Variants in ANKRD29 observed in about 807,000 individuals in gnomAD.
The protein encoded by ANKRD29 is ankyrin repeat domain 29, also known as ankyrin repeat domain-containing protein 29.
ANKRD29 carries 32 observed loss-of-function variants against 38.0 expected under a neutral mutation model. The observed-to-expected ratio is 0.84, with a 90% CI of 0.64 to 1.13. The LOEUF is 1.13. Among genes scored for constraint, ANKRD29 ranks in the 50% most tolerant of loss-of-function variants. The pLI, the probability that ANKRD29 is intolerant of heterozygous loss-of-function variation, is 0.00. For synonymous variants in ANKRD29, 135 were observed against 152.4 expected (o/e 0.89, Z 0.84); for missense variants, 357 against 377.9 (o/e 0.94, Z 0.46).
intron 5 of ANKRD29, among the ~76,000 whole-genome samples, chr18:23,633,814 C>T (rs1044063332): frequency 6.6e-6 from 1 of 152,084 alleles, no homozygotes; most frequent in Non-Finnish European, 1.5e-5. Context: ...TGTGATCCAC[C>T]CACCTCGGCC....
intron 2 of ANKRD29, chr18:23,647,425 G>A (rs2060153672): frequency 6.6e-6 from 1 of 152,212 alleles, no homozygotes; most frequent in South Asian, 2.1e-4. Flanking sequence ...CAATGGCCAT[G>A]CTAGTTTTGT....
chr18:23,625,549 G>A (rs1282402181), intron 6 of ANKRD29, among the ~76,000 whole-genome samples: 4 of 152,152 alleles, frequency 2.6e-5, no homozygotes, highest in Non-Finnish European at 4.4e-5. Flanking sequence ...TAGAGAAAGT[G>A]CAGCCTTGAT....
intron 6 of ANKRD29, among the ~76,000 whole-genome samples, chr18:23,624,669 T>C (rs1046550193): frequency 1.1e-4 from 16 of 152,014 alleles, no homozygotes; most frequent in African/African-American, 3.6e-4. Flanking sequence ...GGGGTCAATG[T>C]ATAAAAGTTT....
At chr18:23,633,712 A>T (rs2145693684) in intron 5 of ANKRD29, among the ~76,000 whole-genome samples, 1 of 152,176 alleles carries the variant, frequency 6.6e-6, no homozygotes, top group African/African-American at 2.4e-5. Context: ...CTGGGATTAC[A>T]GGCACCCGCT....
intron 6 of ANKRD29, among the ~76,000 whole-genome samples, chr18:23,626,338 C>T (rs1315028960): frequency 6.6e-6 from 1 of 152,194 alleles, no homozygotes; most frequent in African/African-American, 2.4e-5. Flanking sequence ...TGACTAACCT[C>T]AGCTCTGGGT....
intron 8 of ANKRD29, among the ~76,000 whole-genome samples, chr18:23,615,918 AGTAT>A (rs2059705580): frequency 5.6e-5 from 8 of 144,042 alleles, no homozygotes; most frequent in South Asian, 4.7e-4. Flanking sequence ...TATACTATAT[AGTAT>A]GTATATATTA....
chr18:23,630,974 A>AAAAAAAAAG (rs1568028322), intron 5 of ANKRD29, among the ~76,000 whole-genome samples: 1 of 150,234 alleles, frequency 6.7e-6, no homozygotes, highest in African/African-American at 2.4e-5. Context: ...TCTCAAAAAA[A>AAAAAAAAAG]AAAAAAAAGA....
chr18:23,621,352 G>A (rs1035380435), intron 6 of ANKRD29, among the ~76,000 whole-genome samples: 2 of 152,180 alleles, frequency 1.3e-5, no homozygotes, highest in African/African-American at 4.8e-5. Flanking sequence ...AGGGAGAGAG[G>A]ATGAAGACAT....
At chr18:23,645,965 G>T (rs998296177) in intron 3 of ANKRD29, among the ~76,000 whole-genome samples, 6 of 152,204 alleles carry the variant, frequency 3.9e-5, no homozygotes, top group Non-Finnish European at 2.9e-5. Context: ...TAGGCAGGTG[G>T]TAAGAGGTTT....
At chr18:23,637,211 G>A (rs1172925699) in intron 4 of ANKRD29, among the ~76,000 whole-genome samples, 1 of 152,104 alleles carries the variant, frequency 6.6e-6, no homozygotes, top group South Asian at 2.1e-4. Context: ...AGGTTCATAG[G>A]ACTTTACTTT....
At chr18:23,656,087 C>T (rs1289179276) in intron 1 of ANKRD29, among the ~76,000 whole-genome samples, 2 of 137,596 alleles carry the variant, frequency 1.5e-5, no homozygotes, top group Admixed American at 7.2e-5. Context: ...AGCGAGACTC[C>T]GTCTCAAAAA....
At chr18:23,611,964 CA>C (rs1488462931) in intron 9 of ANKRD29, 127 bp downstream of exon 9, 1 of 761,994 alleles carries the variant, frequency 1.3e-6, no homozygotes, top group African/African-American at 1.7e-5. Context: ...CTACTAACAG[CA>C]ACCTTGAATG....
intron 6 of ANKRD29, 51 bp from the exon 7 acceptor site, chr18:23,619,680 C>A: frequency 6.9e-7 from 1 of 1,457,112 alleles, no homozygotes; most frequent in East Asian, 2.4e-5. Flanking sequence ...CCGGCCCCAC[C>A]CGCTCACAGA....
intron 9 of ANKRD29, among the ~76,000 whole-genome samples, chr18:23,601,987 G>A (rs531965095): frequency 8.6e-5 from 13 of 151,892 alleles, no homozygotes; most frequent in Middle Eastern, 3.4e-3. Context: ...ATGACATGAG[G>A]TAGTCTGCCC....
At chr18:23,637,985 C>T (rs1019850149) in intron 4 of ANKRD29, among the ~76,000 whole-genome samples, 1 of 140,084 alleles carries the variant, frequency 7.1e-6, no homozygotes, top group South Asian at 2.3e-4. Context: ...AAATGAAAAT[C>T]AATTACTTCT....
At chr18:23,614,087 G>A (rs1230528002) in intron 8 of ANKRD29, among the ~76,000 whole-genome samples, 1 of 150,180 alleles carries the variant, frequency 6.7e-6, no homozygotes, top group African/African-American at 2.5e-5. Context: ...TCTTTTTTCT[G>A]GAGATGGAGT....
At chr18:23,605,747 G>A (rs2059567962) in intron 9 of ANKRD29, among the ~76,000 whole-genome samples, 1 of 151,644 alleles carries the variant, frequency 6.6e-6, no homozygotes, top group African/African-American at 2.4e-5. Flanking sequence ...GGCTAGTCTC[G>A]AACTCCTGAC....
chr18:23,617,851 A>C (rs1352482892), intron 7 of ANKRD29, 24 bp from the exon 8 acceptor site: 1 of 1,595,460 alleles, frequency 6.3e-7, no homozygotes, highest in Admixed American at 1.7e-5. Flanking sequence ...GGAAAATAAA[A>C]GTTGATTATT....
intron 1 of ANKRD29, among the ~76,000 whole-genome samples, chr18:23,652,635 C>T (rs2060224340): frequency 6.6e-6 from 1 of 152,194 alleles, no homozygotes; most frequent in Non-Finnish European, 1.5e-5. Context: ...GGGGCCAGTC[C>T]TCTAGCCTTT....
Sources: allele counts gnomAD v4.1 joint callset (sites outside exome capture counted in the v4.1 genomes callset), GRCh38; gene constraint gnomAD v4.1.1; transcripts MANE v1.5; gene names NCBI Gene and HGNC (gene_info 2026-07-23, HGNC 2026-07-21).